The following FHOD3 variants were observed in gnomAD, a reference collection of about 807,000 sequenced individuals.
FHOD3 encodes the protein formin homology 2 domain containing 3.
A neutral mutation model predicts 173.0 loss-of-function variants in FHOD3; 90 were observed. The observed-to-expected ratio is 0.52, with a 90% CI of 0.44 to 0.62. FHOD3 has a LOEUF of 0.62. Ranked by LOEUF, FHOD3 falls within the 20% of genes least tolerant of loss-of-function variation. The pLI is 0.00. For synonymous variants in FHOD3, 828 were observed against 823.0 expected, an observed-to-expected ratio of 1.01 and a Z score of -0.10; for missense variants, 1,945 against 2,034.7, an observed-to-expected ratio of 0.96 and a Z score of 0.85.
chr18:36,449,936 CAGT>C (rs1378550467), intron 3 of FHOD3, among the ~76,000 whole-genome samples: 3 of 151,798 alleles, frequency 2.0e-5, no homozygotes, highest in Non-Finnish European at 4.4e-5. Flanking sequence ...AAAAAAAATT[CAGT>C]AGGTTTTTGG....
At chr18:36,514,752 C>T (rs1050977142) in intron 5 of FHOD3, among the ~76,000 whole-genome samples, 6 of 152,132 alleles carry the variant, frequency 3.9e-5, no homozygotes, top group Non-Finnish European at 5.9e-5. Context: ...ATTGCATCAG[C>T]GCAATAGTTT....
At position 36,755,814 on chromosome 18, in the gene FHOD3, C is replaced by A. The variant is rs914602970; in HGVS notation, c.4425+503C>A. On this transcript the variant is annotated intron_variant, in intron 25 of 28. Coordinates refer to ENST00000590592, the MANE Select transcript of FHOD3 (RefSeq NM_001281740.3). Reference sequence around the variant, plus strand: ...AAACTGATGTGATTGCTCCAAGATACAATCTAATGGGCTCTTGCCAGTCCC... The same window carrying A: ...AAACTGATGTGATTGCTCCAAGATAAAATCTAATGGGCTCTTGCCAGTCCC... 2.6e-5 allele frequency among the ~76,000 whole-genome samples: 4 copies of A among 152,330 alleles called. No homozygotes were observed. In the East Asian group the frequency reaches 7.7e-4, roughly 29 times the overall value.
At chr18:36,587,447 G>A (rs1376534379) in intron 6 of FHOD3, among the ~76,000 whole-genome samples, 4 of 152,152 alleles carry the variant, frequency 2.6e-5, no homozygotes, top group Non-Finnish European at 2.9e-5. Flanking sequence ...TCATGTAGGC[G>A]ATTTCCGGGG....
At chr18:36,552,767 G>A (rs1346896164) in intron 5 of FHOD3, among the ~76,000 whole-genome samples, 2 of 152,010 alleles carry the variant, frequency 1.3e-5, no homozygotes, top group Non-Finnish European at 2.9e-5. Flanking sequence ...CAAAGTGCTG[G>A]GATTACAGGC....
At chr18:36,577,564 G>A (rs942151155) in intron 6 of FHOD3, among the ~76,000 whole-genome samples, 1 of 152,232 alleles carries the variant, frequency 6.6e-6, no homozygotes, top group Non-Finnish European at 1.5e-5. Flanking sequence ...GCCTCTCAAA[G>A]TGCTGGGGTT....
chr18:36,637,584 G>A (rs1397585889), intron 10 of FHOD3, among the ~76,000 whole-genome samples: 1 of 152,192 alleles, frequency 6.6e-6, no homozygotes, highest in Admixed American at 6.5e-5. Flanking sequence ...TGCCTCCCAT[G>A]TTCTTGGATC....
intron 3 of FHOD3, among the ~76,000 whole-genome samples, chr18:36,468,847 G>A (rs981232234): frequency 6.6e-6 from 1 of 152,164 alleles, no homozygotes; most frequent in African/African-American, 2.4e-5. Flanking sequence ...CTGAGAGCTA[G>A]CAAGGGTGCA....
intron 24 of FHOD3, among the ~76,000 whole-genome samples, chr18:36,748,375 C>T (rs2042245595): frequency 8.1e-6 from 1 of 124,024 alleles, no homozygotes; most frequent in Non-Finnish European, 1.6e-5. Context: ...CACACACACA[C>T]ACACACAACA....
At chr18:36,431,631 T>C (rs955353035) in intron 3 of FHOD3, among the ~76,000 whole-genome samples, 3 of 152,166 alleles carry the variant, frequency 2.0e-5, no homozygotes, top group Non-Finnish European at 4.4e-5. Context: ...CTTCCAAATA[T>C]CAGATTCTGC....
At chr18:36,526,275 C>T (rs1278435838) in intron 5 of FHOD3, among the ~76,000 whole-genome samples, 1 of 104,226 alleles carries the variant, frequency 9.6e-6, no homozygotes, top group Non-Finnish European at 2.2e-5. Flanking sequence ...ATCCTGAAAT[C>T]ATTCTTTTTT....
Position 36,576,549 on chromosome 18 carries a change from AG to A in FHOD3, c.606+8del, listed in dbSNP as rs35187294. ...GTACACTCTCATTGGGTCAAAGGTA[AG>A]GGGAAGTTATGGTTGACTGTTTTGT... On this transcript the variant is annotated splice_donor_5th_base_variant and intron_variant, in intron 6 of 28. Transcript: ENST00000590592. The A allele has an allele frequency of 7.3e-5, 118 of 1,607,828 alleles. No individual in the cohort carries two copies. Among genetic ancestry groups the A allele is most frequent in the Middle Eastern group, 1.6e-4 (1 of 6,066 alleles).
chr18:36,681,654 G>T, intron 15 of FHOD3, 84 bp downstream of exon 15: 2 of 1,393,390 alleles, frequency 1.4e-6, no homozygotes, highest in Admixed American at 2.4e-5. Flanking sequence ...ATTTAATATT[G>T]GCATTAAAGG....
chr18:36,384,253 G>A (rs1035837398), intron 3 of FHOD3, among the ~76,000 whole-genome samples: 4 of 152,028 alleles, frequency 2.6e-5, no homozygotes, highest in Non-Finnish European at 4.4e-5. Context: ...GGTGGTGGGC[G>A]CCTGTAGTCC....
intron 1 of FHOD3, among the ~76,000 whole-genome samples, chr18:36,327,363 A>G (rs28406916): frequency 0.053 from 8,043 of 152,280 alleles, 429 homozygotes; most frequent in African/African-American, 0.13. Flanking sequence ...GGCTTATTGT[A>G]TAGGTATTAG....
Position 36,649,596 on chromosome 18 carries a change from C to T in FHOD3, c.1286+191C>T, listed in dbSNP as rs2957176. On this transcript the variant is annotated intron_variant, in intron 11 of 28. Transcript: ENST00000590592. ...ACCTGAGCATGTTTTCATTAGAGAA[C>T]TGCACTTTTTATTGAAATCCTACCT... is the stretch of plus-strand genomic sequence containing the variant. Among the ~76,000 whole-genome samples, 42,388 of 151,994 alleles carry T rather than the reference C, an allele frequency of 0.28. 6,424 individuals carry two copies. Among genetic ancestry groups the T allele is most frequent in the South Asian group, 0.41 (1,956 of 4,820 alleles).
chr18:36,308,650 T>A (rs998934575), intron 1 of FHOD3, among the ~76,000 whole-genome samples: 5 of 152,318 alleles, frequency 3.3e-5, no homozygotes, highest in African/African-American at 9.6e-5. Context: ...TGGGTCTCAC[T>A]TCATCCTGTG....
chr18:36,519,461 T>C (rs2056162943), intron 5 of FHOD3, among the ~76,000 whole-genome samples: 1 of 152,128 alleles, frequency 6.6e-6, no homozygotes, highest in South Asian at 2.1e-4. Flanking sequence ...CCATGTCTCA[T>C]TGGTCATTTG....
Position 36,297,903 on chromosome 18 carries a change from C to T in FHOD3, c.68C>T (p.Pro23Leu). ...GACCCTTTCAACAGCACCAACTTCCCCGAGCCCAGCCGGCCGCCGCTGTTC... is the reference window on the plus strand; with the variant it reads ...GACCCTTTCAACAGCACCAACTTCCTCGAGCCCAGCCGGCCGCCGCTGTTC... ...DTDPFNSTNF[P>L]EPSRPPLFTF... is the part of the protein sequence containing the mutation. Residue 23 changes from proline (P) to leucine (L), a missense_variant, in exon 1 of 29, where the codon CCC (proline) becomes CTC (leucine). Pro to Leu is a moderately conservative substitution (Grantham distance 98). Coordinates refer to ENST00000590592, the MANE Select transcript of FHOD3 (RefSeq NM_001281740.3). The T allele has an allele frequency of 1.3e-6, 2 of 1,558,712 alleles. No homozygotes were observed. The highest frequency in any genetic ancestry group is 1.7e-6 in the Non-Finnish European group (2 of 1,152,886).
chr18:36,715,148 C>T (rs2040378476), intron 18 of FHOD3, among the ~76,000 whole-genome samples: 4 of 152,168 alleles, frequency 2.6e-5, no homozygotes, highest in African/African-American at 4.8e-5. Context: ...TGTTCTCACC[C>T]AAATCTCATC....
Sources: allele counts gnomAD v4.1 joint callset (sites outside exome capture counted in the v4.1 genomes callset), GRCh38; gene constraint gnomAD v4.1.1; transcripts MANE v1.5; gene names NCBI Gene and HGNC (gene_info 2026-07-23, HGNC 2026-07-21).